GET1: variants seen among roughly 807,000 people sequenced by gnomAD.
GET1 encodes the protein congenital heart disease 5 protein.
In GET1, 20 loss-of-function variants were observed where a neutral mutation model predicts 22.6. The observed-to-expected ratio is 0.89, with a 90% CI of 0.62 to 1.29. GET1 has a LOEUF of 1.29. GET1 is among the 50% of genes most tolerant of loss of function. GET1 has a pLI of 0.00. For synonymous variants in GET1, 92 were observed against 83.8 expected, an observed-to-expected ratio of 1.10 and a Z score of -0.53; for missense variants, 209 against 219.9, an observed-to-expected ratio of 0.95 and a Z score of 0.31.
intron 1 of GET1, chr21:39,387,812 T>A: frequency 1.0e-6 from 1 of 985,464 alleles, no homozygotes; most frequent in Non-Finnish European, 1.2e-6. Flanking sequence ...TTCCAAGCTC[T>A]AAATGGAGAG....
downstream of GET1, chr21:39,408,662 C>G (rs1480452690): frequency 6.6e-6 from 1 of 152,394 alleles, no homozygotes; most frequent in Non-Finnish European, 1.5e-5. Context: ...TTTCCACCTA[C>G]TCCCAAGAGC....
chr21:39,383,024 C>T (rs1046252511), intron 1 of GET1, among the ~76,000 whole-genome samples: 5 of 151,854 alleles, frequency 3.3e-5, no homozygotes, highest in Admixed American at 6.6e-5. Flanking sequence ...AGTCTCGGCT[C>T]ACTGCAAGCT....
chr21:39,394,105 G>A (rs752425956), intron 4 of GET1, among the ~76,000 whole-genome samples: 13 of 152,044 alleles, frequency 8.6e-5, no homozygotes, highest in African/African-American at 1.4e-4. Flanking sequence ...CAAGGTGGGC[G>A]GATTGCCTGA....
At chr21:39,395,230 G>C (rs113178939) in intron 4 of GET1, among the ~76,000 whole-genome samples, 1 of 152,138 alleles carries the variant, frequency 6.6e-6, no homozygotes, top group Non-Finnish European at 1.5e-5. Context: ...CTCATTTGCA[G>C]ATTTTCCTGA....
intron 1 of GET1, 79 bp from the exon 2 acceptor site, chr21:39,390,619 A>G (rs2038236472): frequency 6.4e-7 from 1 of 1,556,878 alleles, no homozygotes. Context: ...CAGGGCATAG[A>G]CAGAAAGTAG....
intron 1 of GET1, chr21:39,428,089 A>G: frequency 3.9e-6 from 3 of 765,538 alleles, no homozygotes; most frequent in Non-Finnish European, 6.6e-6. Context: ...AAAACTGAGT[A>G]TGAACCACTT....
chr21:39,388,789 C>CA (rs554745241), intron 1 of GET1, among the ~76,000 whole-genome samples: 228 of 152,274 alleles, frequency 1.5e-3, no homozygotes, highest in East Asian at 0.013. Context: ...GCGCTCCAGT[C>CA]ACCTCTCCCA....
intron 1 of GET1, among the ~76,000 whole-genome samples, chr21:39,412,275 G>C (rs1283019817): frequency 6.6e-6 from 1 of 152,182 alleles, no homozygotes; most frequent in Non-Finnish European, 1.5e-5. Flanking sequence ...CCATCTAATA[G>C]AAAGTTCTAT....
chr21:39,396,743 C>A, intron 4 of GET1, 123 bp from the exon 5 acceptor site: 5 of 735,348 alleles, frequency 6.8e-6, no homozygotes, highest in Non-Finnish European at 8.8e-6. Flanking sequence ...ATAAACTTCA[C>A]TTCAGCCCAG....
chr21:39,384,564 A>ATT (rs35895251), intron 1 of GET1, among the ~76,000 whole-genome samples: 2 of 144,530 alleles, frequency 1.4e-5, no homozygotes, highest in African/African-American at 5.1e-5. Context: ...CTGGCCGACA[A>ATT]TTTTTTTTTT....
At chr21:39,381,029 G>A in intron 1 of GET1, 1 of 841,130 alleles carries the variant, frequency 1.2e-6, no homozygotes. Flanking sequence ...GCCAGGTAGT[G>A]AGTACATTAC....
At chr21:39,417,807 C>G (rs1601783085) in intron 1 of GET1, among the ~76,000 whole-genome samples, 5 of 151,780 alleles carry the variant, frequency 3.3e-5, no homozygotes, top group African/African-American at 1.2e-4. Context: ...GCTCTGTCGC[C>G]CAGGCTGGAG....
At chr21:39,415,685 A>C (rs1470008072) in intron 1 of GET1, among the ~76,000 whole-genome samples, 1 of 152,238 alleles carries the variant, frequency 6.6e-6, no homozygotes, top group African/African-American at 2.4e-5. Flanking sequence ...TTTGAATTAG[A>C]ATCTAAACAA....
At chr21:39,400,582 G>A (rs1391042795), downstream of GET1, among the ~76,000 whole-genome samples, 1 of 152,132 alleles carries the variant, frequency 6.6e-6, no homozygotes, top group Non-Finnish European at 1.5e-5. Flanking sequence ...TCTAAGTGCT[G>A]CTCTCTTATA....
At chr21:39,392,677 C>G (rs1416053901) in intron 3 of GET1, among the ~76,000 whole-genome samples, 2 of 152,284 alleles carry the variant, frequency 1.3e-5, no homozygotes, top group Middle Eastern at 6.8e-3. Context: ...CAGGGCTCAC[C>G]TCTGCGTCCC....
chr21:39,428,457 C>T, exon 2 of GET1: 1 of 1,609,836 alleles, frequency 6.2e-7, no homozygotes, highest in South Asian at 1.1e-5. Context: ...AAGAAATGCT[C>T]ATCTATATTT....
intron 1 of GET1, among the ~76,000 whole-genome samples, chr21:39,383,613 C>G (rs1448305261): frequency 3.4e-5 from 5 of 146,732 alleles, no homozygotes; most frequent in Non-Finnish European, 6.0e-5. Flanking sequence ...GAGTCTCTCT[C>G]TGTCACCCAG....
chr21:39,385,311 C>G lies in GET1; in HGVS notation c.102+4825C>G, dbSNP rs377019535. 7.2e-5 allele frequency among the ~76,000 whole-genome samples: 11 copies of G among 152,292 alleles called. No homozygotes were observed. The South Asian group carries it at 8.3e-4, about 11-fold the overall frequency. ...CACTGGTCCCCGCACTGGTCTCCCC[C>G]CTCCCCCCGCGTGAGGCCTTAGGAG... On this transcript the variant is annotated intron_variant, in intron 1 of 4. Transcript: ENST00000649170.
At chr21:39,388,661 G>T (rs1294546091) in intron 1 of GET1, among the ~76,000 whole-genome samples, 2 of 152,336 alleles carry the variant, frequency 1.3e-5, no homozygotes, top group Admixed American at 6.5e-5. Context: ...ATCCCTTGGG[G>T]TAGGTGCCAG....
Sources: gnomAD v4.1 joint callset for allele counts (sites outside exome capture counted in the v4.1 genomes callset) on GRCh38, gnomAD v4.1.1 for gene constraint, MANE v1.5 for transcripts, NCBI Gene and HGNC (gene_info 2026-07-23, HGNC 2026-07-21) for gene names.